MAK: variants seen among roughly 807,000 people sequenced by gnomAD.
MAK encodes the protein serine/threonine-protein kinase MAK.
In MAK, 65 loss-of-function variants were observed where a neutral mutation model predicts 82.6. The observed-to-expected ratio is 0.79, with a 90% CI of 0.64 to 0.97. The LOEUF is 0.97. Ranked by LOEUF, MAK falls within the 50% of genes least tolerant of loss-of-function variation. MAK has a pLI of 0.00. For synonymous variants in MAK, 250 were observed against 274.2 expected (o/e 0.91, Z 0.87); for missense variants, 703 against 780.2 (o/e 0.90, Z 1.18).
At chr6:10,835,345 C>T (rs996289546) in intron 1 of MAK, among the ~76,000 whole-genome samples, 5 of 152,310 alleles carry the variant, frequency 3.3e-5, no homozygotes, top group Non-Finnish European at 2.9e-5. Flanking sequence ...CTGCAACCTC[C>T]GCCTCCCAGG....
At chr6:10,773,728 G>A (rs1773214449) in intron 12 of MAK, among the ~76,000 whole-genome samples, 1 of 136,390 alleles carries the variant, frequency 7.3e-6, no homozygotes, top group South Asian at 2.2e-4. Flanking sequence ...ATCTCGCTCT[G>A]TCGCCCAGGC....
At chr6:10,785,327 C>T (rs2127534104) in intron 10 of MAK, among the ~76,000 whole-genome samples, 1 of 152,306 alleles carries the variant, frequency 6.6e-6, no homozygotes, top group African/African-American at 2.4e-5. Flanking sequence ...CTGCCCATCC[C>T]TCTGTGTGCT....
intron 9 of MAK, among the ~76,000 whole-genome samples, chr6:10,792,727 G>T (rs1390230433): frequency 6.6e-6 from 1 of 152,198 alleles, no homozygotes; most frequent in Non-Finnish European, 1.5e-5. Context: ...TGGGTGCAGG[G>T]AGATTCTTAA....
chr6:10,804,033 G>A, intron 6 of MAK, 142 bp from the exon 7 acceptor site: 1 of 728,154 alleles, frequency 1.4e-6, no homozygotes. Context: ...TCAGGCATTT[G>A]TACAATGTTC....
chr6:10,790,861 G>T (rs562045678), intron 10 of MAK, among the ~76,000 whole-genome samples: 54 of 152,288 alleles, frequency 3.5e-4, no homozygotes, highest in Non-Finnish European at 6.5e-4. Flanking sequence ...AAATGGCTTG[G>T]TACTATCCTT....
At chr6:10,838,071 A>G (rs577615433) in intron 1 of MAK, 11 of 152,516 alleles carry the variant, frequency 7.2e-5, no homozygotes, top group African/African-American at 2.6e-4. Flanking sequence ...CTGAGACCCA[A>G]TCCTGCCTCT....
chr6:10,806,334 T>TTTTTTTGTTTTTG (rs70991048), intron 6 of MAK, among the ~76,000 whole-genome samples: 111,809 of 148,312 alleles, frequency 0.75, 43,012 homozygotes, highest in South Asian at 0.87. Flanking sequence ...CCTGGCTAAT[T>TTTTTTTGTTTTTG]TTTTTTGTTT....
chr6:10,820,321 G>A (rs184521709), intron 2 of MAK, among the ~76,000 whole-genome samples: 1 of 152,140 alleles, frequency 6.6e-6, no homozygotes, highest in Admixed American at 6.6e-5. Context: ...AGATCCAGAG[G>A]CTCTATGGGG....
chr6:10,815,911 A>AGT (rs1233214233), intron 4 of MAK, among the ~76,000 whole-genome samples: 903 of 78,170 alleles, frequency 0.012, 35 homozygotes, highest in African/African-American at 0.056. Flanking sequence ...AGCTTTATAC[A>AGT]GTATATATAT....
chr6:10,834,953 C>T (rs986474316), intron 1 of MAK, among the ~76,000 whole-genome samples: 2 of 152,136 alleles, frequency 1.3e-5, no homozygotes, highest in African/African-American at 2.4e-5. Flanking sequence ...TGCTGTAAAC[C>T]GTGGCCCTGC....
chr6:10,817,801 A>G lies in MAK; in HGVS notation c.278+49T>C, dbSNP rs200019630. The stretch of plus-strand genomic sequence containing the variant: ...AAAGTATGACATATCAAAAGGATCC[A>G]AAGAACTCATGGAGAGAATAACAGG... On this transcript the variant is annotated intron_variant, in intron 4 of 14. Transcript: ENST00000354489. 1,307 of 1,410,502 alleles carry G rather than the reference A, an allele frequency of 9.3e-4. 1 individual carries two copies. The highest frequency in any genetic ancestry group is 1.2e-3 in the Non-Finnish European group (1,213 of 1,029,954). 87.4% of individuals were successfully genotyped at this position (1,410,502 alleles called of 1,614,324 possible).
At chr6:10,835,054 G>A (rs998994782) in intron 1 of MAK, among the ~76,000 whole-genome samples, 2 of 152,184 alleles carry the variant, frequency 1.3e-5, no homozygotes, top group Non-Finnish European at 2.9e-5. Context: ...TGGTCGCACC[G>A]CTCCCCCGCC....
chr6:10,808,394 A>G (rs1010670729), intron 6 of MAK, among the ~76,000 whole-genome samples: 4 of 152,128 alleles, frequency 2.6e-5, no homozygotes, highest in Admixed American at 2.6e-4. Flanking sequence ...TGCAGTAGAG[A>G]GGATTCATGT....
At position 10,796,111 on chromosome 6, in the gene MAK, G is replaced by A. The variant is rs1316874629; in HGVS notation, c.1030C>T (p.Leu344=). 1.2e-6 allele frequency: 2 copies of A among 1,614,178 alleles called. No homozygotes were observed. The highest frequency in any genetic ancestry group is 1.7e-5 in the Admixed American group (1 of 60,018). The change falls in exon 9 of 15, where the codon CTG becomes TTG. Residue 344 remains leucine (L), a synonymous_variant. Coordinates refer to ENST00000354489, the MANE Select transcript of MAK (RefSeq NM_001242957.3). ...TTCTGTGGCGGCTGAATGGGCTGCA[G>A]TGGCTGCTGGCTAGTTTTTGGCTGG... ...QPQPKTSQQP[L]QPIQPPQNLS...
At chr6:10,766,376 C>T (rs1408830748) in intron 14 of MAK, among the ~76,000 whole-genome samples, 1 of 152,232 alleles carries the variant, frequency 6.6e-6, no homozygotes, top group Non-Finnish European at 1.5e-5. Flanking sequence ...CTGGGTAAGA[C>T]AGCCGCCTGG....
chr6:10,801,965 G>A lies in MAK; in HGVS notation c.758C>T (p.Ala253Val). ...PINLKTLIPN[A>V]SNEAIQLMTE... ...CATGAGCTGAATAGCTTCATTACTGGCATTGGGAATAAGAGTTTTTAAGTT... is the reference window on the plus strand; with the variant it reads ...CATGAGCTGAATAGCTTCATTACTGACATTGGGAATAAGAGTTTTTAAGTT... The change falls in exon 8 of 15, where the codon GCC becomes GTC. Residue 253 changes from alanine (A) to valine (V), a missense_variant. By Grantham distance (64) the Ala-to-Val change is moderately conservative. Coordinates refer to ENST00000354489, the MANE Select transcript of MAK (RefSeq NM_001242957.3). 1 of 1,614,024 alleles carries A rather than the reference G, an allele frequency of 6.2e-7. No individual in the cohort carries two copies. The highest frequency in any genetic ancestry group is 8.5e-7 in the Non-Finnish European group (1 of 1,179,936).
At chr6:10,817,558 T>C (rs890941077) in intron 4 of MAK, among the ~76,000 whole-genome samples, 4 of 152,228 alleles carry the variant, frequency 2.6e-5, no homozygotes, top group Non-Finnish European at 4.4e-5. Context: ...AGCTTTATTA[T>C]TGAGTAATAA....
chr6:10,777,862 T>G (rs537676551), intron 11 of MAK, among the ~76,000 whole-genome samples: 34 of 152,164 alleles, frequency 2.2e-4, no homozygotes, highest in Non-Finnish European at 4.0e-4. Flanking sequence ...AGTCTCGGAC[T>G]CCCAACCTCA....
intron 14 of MAK, among the ~76,000 whole-genome samples, chr6:10,767,588 G>A (rs1002394852): frequency 9.9e-5 from 15 of 152,000 alleles, no homozygotes; most frequent in Non-Finnish European, 1.6e-4. Context: ...GGCAGATCAC[G>A]AGGTCAAGAG....
Sources: allele counts gnomAD v4.1 joint callset (sites outside exome capture counted in the v4.1 genomes callset), GRCh38; gene constraint gnomAD v4.1.1; transcripts MANE v1.5; gene names NCBI Gene and HGNC (gene_info 2026-07-23, HGNC 2026-07-21).